PDE1C: variants seen among roughly 807,000 people sequenced by gnomAD.
PDE1C encodes phosphodiesterase 1C.
PDE1C carries 62 observed loss-of-function variants against 93.1 expected under a neutral mutation model. The ratio of observed to expected loss-of-function variants is 0.67; its 90% CI spans 0.54 to 0.82. PDE1C has a LOEUF of 0.82. PDE1C is among the 40% of genes least tolerant of loss of function. The pLI is 0.00. For missense variants in PDE1C, 742 were observed against 884.6 expected (o/e 0.84, Z 2.04); for synonymous variants, 325 against 310.1 (o/e 1.05, Z -0.50).
At chr7:31,972,277 G>A (rs1284259410) in intron 2 of PDE1C, among the ~76,000 whole-genome samples, 6 of 152,174 alleles carry the variant, frequency 3.9e-5, no homozygotes, top group Non-Finnish European at 7.3e-5. Flanking sequence ...TTATTCAGAT[G>A]ATATCTAAAA....
At chr7:31,731,912 C>T in the PDE1C span, among the ~76,000 whole-genome samples, 9 of 152,346 alleles carry the variant, frequency 5.9e-5, no homozygotes, top group South Asian at 6.2e-4. Flanking sequence ...TGCTCCAGCA[C>T]CTCCTCCAGT....
At chr7:31,915,026 T>C (rs1001025928) in intron 2 of PDE1C, among the ~76,000 whole-genome samples, 2 of 152,230 alleles carry the variant, frequency 1.3e-5, no homozygotes, top group African/African-American at 4.8e-5. Context: ...CACCGCCTGA[T>C]GTAAAGCAGG....
chr7:31,640,372 G>C, the PDE1C span, among the ~76,000 whole-genome samples: 1 of 152,158 alleles, frequency 6.6e-6, no homozygotes, highest in Non-Finnish European at 1.5e-5. Flanking sequence ...GAATACTCAA[G>C]AGAGACCCTC....
chr7:31,651,113 T>C, the PDE1C span: 1 of 1,604,494 alleles, frequency 6.2e-7, no homozygotes, highest in South Asian at 1.1e-5. Flanking sequence ...GAGAGGACTT[T>C]CTTCTCAGTT....
In PDE1C at chr7:32,341,239, G is replaced by A. The variant is rs1783746793; in HGVS notation, c.310+86583C>T. ...CGCCCAGGCTGGAGTGCAGTGGCGC[G>A]ATCTCGGCTCACTGCAAGCTCCGCC... On this transcript the variant is annotated intron_variant, in intron 1 of 1. Coordinates refer to the PDE1C transcript ENST00000672256. Among the ~76,000 whole-genome samples the A allele has an allele frequency of 6.2e-5, 8 of 129,240 alleles. 1 individual carries two copies. In the South Asian group the frequency reaches 2.0e-3, roughly 33 times the overall value. The allele number at this position is 129,240 out of a possible 152,430, so 84.8% of individuals were successfully genotyped here. A position where few individuals can be genotyped will look rare whatever the true frequency, so the allele number is the denominator to read the frequency against.
the PDE1C span, among the ~76,000 whole-genome samples, chr7:31,724,152 C>T: frequency 3.3e-5 from 5 of 152,166 alleles, no homozygotes; most frequent in Admixed American, 1.3e-4. Context: ...ATCCTTTGTT[C>T]TTTGGTGTCT....
chr7:32,046,636 G>T (rs1422040214), intron 2 of PDE1C, among the ~76,000 whole-genome samples: 1 of 152,060 alleles, frequency 6.6e-6, no homozygotes, highest in Non-Finnish European at 1.5e-5. Flanking sequence ...TTAAATGGAA[G>T]ATTTTTGTAA....
intron 3 of PDE1C, among the ~76,000 whole-genome samples, chr7:32,082,327 C>A (rs1219519598): frequency 6.6e-6 from 1 of 152,196 alleles, no homozygotes; most frequent in Non-Finnish European, 1.5e-5. Flanking sequence ...CCCGCCATTG[C>A]CCAGGCTTGC....
rs770796561 is a variant in PDE1C at position 32,337,641 on chromosome 7, G to A, written c.310+90181C>T. 3.9e-5 allele frequency among the ~76,000 whole-genome samples: 6 copies of A among 152,076 alleles called. No homozygotes were observed. The South Asian group carries it at 6.2e-4, about 16-fold the overall frequency. On this transcript the variant is annotated intron_variant, in intron 1 of 1. Transcript: ENST00000672256. ...GAGCTTAGAGTCCAGCATCAGGGAC[G>A]GAGATAGATAATTGGGGATTGTCCA...
At chr7:32,338,607 A>T (rs965118272) in intron 1 of PDE1C, among the ~76,000 whole-genome samples, 1 of 152,228 alleles carries the variant, frequency 6.6e-6, no homozygotes, top group African/African-American at 2.4e-5. Flanking sequence ...GAATTACCAT[A>T]CGATCCAGGA....
chr7:32,038,451 T>C (rs1791397251), intron 2 of PDE1C, among the ~76,000 whole-genome samples: 1 of 152,098 alleles, frequency 6.6e-6, no homozygotes, highest in Non-Finnish European at 1.5e-5. Context: ...TAACAGCTAG[T>C]ATATATATCT....
At chr7:31,856,991 G>A (rs1000455631) in intron 7 of PDE1C, among the ~76,000 whole-genome samples, 3 of 152,044 alleles carry the variant, frequency 2.0e-5, no homozygotes, top group African/African-American at 7.2e-5. Context: ...ACCTGCAAGT[G>A]CATGTCTGTG....
the PDE1C span, among the ~76,000 whole-genome samples, chr7:31,637,691 G>A: frequency 2.6e-5 from 4 of 152,194 alleles, no homozygotes; most frequent in Non-Finnish European, 5.9e-5. Context: ...TAGGTTGCTT[G>A]TTCACTCTGA....
intron 1 of PDE1C, among the ~76,000 whole-genome samples, chr7:32,063,732 AAAAG>A (rs1425462162): frequency 3.9e-5 from 6 of 152,244 alleles, no homozygotes; most frequent in Non-Finnish European, 5.9e-5. Flanking sequence ...CTTTATTAAG[AAAAG>A]AAAGACTCGA....
rs142453749 is a variant in PDE1C, at chr7:31,863,969, T to G, written c.750+973A>C. ...GATATTAGGCCAAGTCTTTCAACAG[T>G]CACTGGAGGAAAAGATAACAAATGT... is the stretch of plus-strand genomic sequence containing the variant. On this transcript the variant is annotated intron_variant, in intron 7 of 17. Coordinates refer to ENST00000396191, the MANE Select transcript of PDE1C (RefSeq NM_001191057.4). Among the ~76,000 whole-genome samples, 195 of 152,242 alleles carry G rather than the reference T, an allele frequency of 1.3e-3. 5 individuals carry two copies. Among genetic ancestry groups the G allele is most frequent in the African/African-American group, 4.5e-3 (188 of 41,564 alleles).
At chr7:31,879,319 C>T in intron 3 of PDE1C, 141 bp from the exon 4 acceptor site, 2 of 766,606 alleles carry the variant, frequency 2.6e-6, no homozygotes, top group East Asian at 2.7e-5. Flanking sequence ...AAATACAGTG[C>T]CTTTTTGGTA....
chr7:31,844,521 T>A (rs1043117099), intron 9 of PDE1C, among the ~76,000 whole-genome samples: 3 of 151,976 alleles, frequency 2.0e-5, no homozygotes, highest in African/African-American at 7.2e-5. Context: ...AATAGTCTAC[T>A]GTGATTCAAC....
At chr7:31,857,664 C>T (rs889568789) in intron 7 of PDE1C, among the ~76,000 whole-genome samples, 1 of 152,106 alleles carries the variant, frequency 6.6e-6, no homozygotes, top group Admixed American at 6.6e-5. Context: ...CACCCACACC[C>T]CTGACCCATC....
At chr7:32,166,852 T>C (rs940041816) in intron 3 of PDE1C, among the ~76,000 whole-genome samples, 3 of 152,134 alleles carry the variant, frequency 2.0e-5, no homozygotes, top group African/African-American at 7.2e-5. Flanking sequence ...AGTTTATAGA[T>C]GATATACTTA....
Sources: allele counts gnomAD v4.1 joint callset (sites outside exome capture counted in the v4.1 genomes callset), GRCh38; gene constraint gnomAD v4.1.1; transcripts MANE v1.5; gene names NCBI Gene and HGNC (gene_info 2026-07-23, HGNC 2026-07-21).